PLCG2: variants seen among roughly 807,000 people sequenced by gnomAD.
PLCG2 encodes the protein 1-phosphatidylinositol 4,5-bisphosphate phosphodiesterase gamma-2.
PLCG2 carries 69 observed loss-of-function variants against 175.6 expected under a neutral mutation model. That is an observed-to-expected ratio of 0.39 (90% CI 0.32 to 0.48). PLCG2 has a LOEUF of 0.48. PLCG2 is among the 20% of genes least tolerant of loss of function. PLCG2 has a pLI of 0.91. For missense variants in PLCG2, 1,798 were observed against 1,650.9 expected, an observed-to-expected ratio of 1.09 and a Z score of -1.54; for synonymous variants, 827 against 624.0, an observed-to-expected ratio of 1.33 and a Z score of -4.85.
rs773882929 is a variant in PLCG2, at chr16:81,940,037, C to T, written c.3459C>T (p.Tyr1153=). The T allele has an allele frequency of 6.8e-6, 11 of 1,613,574 alleles. No individual in the cohort carries two copies. In the East Asian group the frequency reaches 2.0e-4, roughly 29 times the overall value. The part of the protein sequence containing the change: ...SDPNFLAHAT[Y]PIKAVKSGFR... Reference sequence around the variant, plus strand: ...CCAACTTTCTTGCTCATGCCACTTACCCCATTAAAGCAGTCAAATCAGGTA... The same window carrying T: ...CCAACTTTCTTGCTCATGCCACTTATCCCATTAAAGCAGTCAAATCAGGTA... The change falls in exon 30 of 33, where the codon TAC becomes TAT. Residue 1153 remains tyrosine (Y), a synonymous_variant. Coordinates refer to ENST00000564138, the MANE Select transcript of PLCG2 (RefSeq NM_002661.5).
intron 32 of PLCG2, among the ~76,000 whole-genome samples, 169 bp from the exon 33 acceptor site, chr16:81,957,787 G>A (rs976250329): frequency 9.9e-5 from 15 of 152,072 alleles, no homozygotes. Flanking sequence ...TAACCTCTCT[G>A]AGTCTCAACG....
chr16:81,959,952 G>C lies in PLCG2; in HGVS notation c.*1954G>C, dbSNP rs1911720301. ...CCCTTTCTGCCCAAATGGGTTTTTTGCTACCATATCAAAGAACCTGACATA... is the reference window on the plus strand; with the variant it reads ...CCCTTTCTGCCCAAATGGGTTTTTTCCTACCATATCAAAGAACCTGACATA... On this transcript the variant is annotated 3_prime_UTR_variant, in exon 33 of 33. Coordinates refer to ENST00000564138, the MANE Select transcript of PLCG2 (RefSeq NM_002661.5). 1 of 202,918 alleles carries C rather than the reference G, an allele frequency of 4.9e-6. No homozygotes were observed. The highest frequency in any genetic ancestry group is 1.0e-5 in the Non-Finnish European group (1 of 98,864). 12.6% of individuals were successfully genotyped at this position (202,918 alleles called of 1,614,324 possible).
At chr16:81,777,562 A>T (rs1005132390), upstream of PLCG2, among the ~76,000 whole-genome samples, 9 of 152,066 alleles carry the variant, frequency 5.9e-5, no homozygotes, top group African/African-American at 1.9e-4. Flanking sequence ...AGATCTCTTT[A>T]AAAAATTGAT....
At chr16:81,884,180 A>G (rs1192829938) in intron 9 of PLCG2, among the ~76,000 whole-genome samples, 1 of 152,162 alleles carries the variant, frequency 6.6e-6, no homozygotes, top group Non-Finnish European at 1.5e-5. Context: ...GTGAAACCCC[A>G]TCTCTACTAA....
intron 31 of PLCG2, among the ~76,000 whole-genome samples, chr16:81,949,420 A>G (rs1423679232): frequency 6.6e-6 from 1 of 152,224 alleles, no homozygotes; most frequent in Non-Finnish European, 1.5e-5. Context: ...GAATAAGTCT[A>G]ATATCAGACT....
At chr16:81,752,870 G>A (rs149969237) in intron 1 of PLCG2, among the ~76,000 whole-genome samples, 128 of 152,380 alleles carry the variant, frequency 8.4e-4, no homozygotes, top group African/African-American at 2.9e-3. Flanking sequence ...TATGAAAGAC[G>A]TGGCTCCAGG....
At chr16:81,923,074 G>T (rs144670927) in intron 21 of PLCG2, among the ~76,000 whole-genome samples, 1 of 152,088 alleles carries the variant, frequency 6.6e-6, no homozygotes, top group Non-Finnish European at 1.5e-5. Context: ...GCTGAGCACC[G>T]GCACTGTGAT....
At position 81,956,701 on chromosome 16, in the gene PLCG2, G is replaced by A. The variant is rs527970615; in HGVS notation, c.3577G>A (p.Glu1193Lys). Reference sequence around the variant, plus strand: ...TCTCCCCTGCATCCTCCAGGAGAGCGAAGAGGAACTTTACTCCTCCTGTCG... The same window carrying A: ...TCTCCCCTGCATCCTCCAGGAGAGCAAAGAGGAACTTTACTCCTCCTGTCG... ...FCEMRPVLES[E>K]EELYSSCRQL... The change falls in exon 32 of 33, where the codon GAA (glutamate) becomes AAA (lysine). Residue 1193 changes from glutamate to lysine, a missense_variant. Physicochemically the swap from Glu to Lys is moderately conservative, Grantham distance 56. Transcript: ENST00000564138. 3.1e-6 allele frequency: 5 copies of A among 1,613,710 alleles called. No individual in the cohort carries two copies. The highest frequency in any genetic ancestry group is 4.2e-6 in the Non-Finnish European group (5 of 1,179,890).
chr16:81,832,809 G>T (rs1339920572), intron 2 of PLCG2, among the ~76,000 whole-genome samples: 1 of 152,228 alleles, frequency 6.6e-6, no homozygotes, highest in Non-Finnish European at 1.5e-5. Context: ...GCAGAGGCCT[G>T]CCATCCTTGC....
intron 2 of PLCG2, among the ~76,000 whole-genome samples, chr16:81,810,465 C>G (rs950433089): frequency 2.0e-4 from 30 of 152,214 alleles, no homozygotes; most frequent in African/African-American, 7.2e-4. Flanking sequence ...ACCAGTAGTT[C>G]TGGCCCTTCT....
At position 81,862,488 on chromosome 16, in the gene PLCG2, C is replaced by A. The variant is rs59222730; in HGVS notation, c.479+3325C>A. Among the ~76,000 whole-genome samples the A allele has an allele frequency of 4.4e-3, 665 of 152,348 alleles. 7 individuals carry two copies. Among genetic ancestry groups the A allele is most frequent in the African/African-American group, 0.016 (652 of 41,580 alleles). On this transcript the variant is annotated intron_variant, in intron 5 of 32. Transcript: ENST00000564138. ...GAGAGGTTAAGTGACTTGACTAAAGCAGCCCAGGTTGTCAGGGGTGGCACC... is the reference window on the plus strand; with the variant it reads ...GAGAGGTTAAGTGACTTGACTAAAGAAGCCCAGGTTGTCAGGGGTGGCACC...
At position 81,931,555 on chromosome 16, in the gene PLCG2, G is replaced by T. The variant is rs547100313; in HGVS notation, c.2640G>T (p.Gln880His). 3 of 1,614,010 alleles carry T rather than the reference G, an allele frequency of 1.9e-6. No homozygotes were observed. The highest frequency in any genetic ancestry group is 3.3e-5 in the Admixed American group (2 of 60,024). ...KSFVFILEPK[Q>H]QGDPPVEFAT... ...TTGTCTTCATCCTGGAGCCCAAGCA[G>T]CAGGGCGATCCTCCGGTGGAGTTTG... Residue 880 changes from glutamine to histidine, a missense_variant, in exon 25 of 33, where the codon CAG becomes CAT. Physicochemically the swap from Gln to His is conservative, Grantham distance 24 (BLOSUM62 0). Coordinates refer to ENST00000564138, the MANE Select transcript of PLCG2 (RefSeq NM_002661.5).
At chr16:81,907,840 G>A (rs1369440068) in intron 16 of PLCG2, 66 bp downstream of exon 16, 18 of 1,132,170 alleles carry the variant, frequency 1.6e-5, no homozygotes, top group Admixed American at 1.4e-4. Context: ...GCCAGTCCCC[G>A]GGACCTCCTT....
At chr16:81,846,086 C>G (rs532425507) in intron 2 of PLCG2, among the ~76,000 whole-genome samples, 1 of 152,214 alleles carries the variant, frequency 6.6e-6, no homozygotes, top group South Asian at 2.1e-4. Flanking sequence ...CAGGCTTGTG[C>G]TCCATTTCCC....
At chr16:81,909,624 C>T (rs535218170) in intron 17 of PLCG2, among the ~76,000 whole-genome samples, 1 of 152,312 alleles carries the variant, frequency 6.6e-6, no homozygotes, top group East Asian at 1.9e-4. Context: ...ACTACGTTGC[C>T]CAGGCTGGTT....
At chr16:81,891,891 A>C (rs1315368480) in intron 11 of PLCG2, among the ~76,000 whole-genome samples, 1 of 152,152 alleles carries the variant, frequency 6.6e-6, no homozygotes, top group Non-Finnish European at 1.5e-5. Flanking sequence ...GTTTTTCACG[A>C]TTTGGGCATC....
chr16:81,945,282 C>T (rs772862323), intron 30 of PLCG2, among the ~76,000 whole-genome samples: 2 of 152,180 alleles, frequency 1.3e-5, no homozygotes, highest in South Asian at 2.1e-4. Context: ...CTATTTTGGG[C>T]ATTACTTGGA....
Position 81,960,814 on chromosome 16 carries a change from G to C in PLCG2, c.*2816G>C, listed in dbSNP as rs571577821. ...GATTAAGCTAGCCTTACCCCTGGGA[G>C]TATACCAGAGCTTTCCAAGGAATAC... On this transcript the variant is annotated 3_prime_UTR_variant, in exon 33 of 33. Transcript: ENST00000564138. The C allele has an allele frequency of 8.7e-6, 2 of 229,706 alleles. No homozygotes were observed. Among genetic ancestry groups the C allele is most frequent in the African/African-American group, 4.4e-5 (2 of 45,270 alleles). 14.2% of individuals were successfully genotyped at this position (229,706 alleles called of 1,614,324 possible).
At chr16:81,873,056 T>C (rs1451506012) in intron 7 of PLCG2, among the ~76,000 whole-genome samples, 2 of 152,222 alleles carry the variant, frequency 1.3e-5, no homozygotes, top group Admixed American at 6.5e-5. Flanking sequence ...GATCATTGAA[T>C]TGCAATGTGT....
Sources: gnomAD v4.1 joint callset for allele counts (sites outside exome capture counted in the v4.1 genomes callset) on GRCh38, gnomAD v4.1.1 for gene constraint, MANE v1.5 for transcripts, NCBI Gene and HGNC (gene_info 2026-07-23, HGNC 2026-07-21) for gene names.